Variants in GPC6 observed in about 807,000 individuals in gnomAD.
The protein encoded by GPC6 is glypican-6.
Under a neutral mutation model 55.2 loss-of-function variants are expected in GPC6, and 14 were observed. The observed-to-expected ratio is 0.25, with a 90% CI of 0.17 to 0.40. The LOEUF is 0.40. Ranked by LOEUF, GPC6 falls within the 10% of genes least tolerant of loss-of-function variation. The pLI, the probability that GPC6 is intolerant of heterozygous loss-of-function variation, is 1.00. For missense variants in GPC6, 641 were observed against 708.5 expected (o/e 0.90, Z 1.08); for synonymous variants, 278 against 259.6 (o/e 1.07, Z -0.68).
At chr13:93,656,584 A>C (rs940115017) in intron 2 of GPC6, among the ~76,000 whole-genome samples, 2 of 152,050 alleles carry the variant, frequency 1.3e-5, no homozygotes, top group Non-Finnish European at 2.9e-5. Flanking sequence ...TCCAGTTTTC[A>C]CTCATTTCTG....
At chr13:93,313,122 C>A (rs1879129461) in intron 1 of GPC6, among the ~76,000 whole-genome samples, 1 of 152,068 alleles carries the variant, frequency 6.6e-6, no homozygotes, top group Non-Finnish European at 1.5e-5. Context: ...TTCAAAATGC[C>A]CCTATACTTG....
chr13:93,322,293 T>TC (rs1879472864), intron 1 of GPC6, among the ~76,000 whole-genome samples: 1 of 152,148 alleles, frequency 6.6e-6, no homozygotes, highest in South Asian at 2.1e-4. Flanking sequence ...ATCCTCTCTC[T>TC]CTTTGTTCAC....
intron 2 of GPC6, among the ~76,000 whole-genome samples, chr13:93,815,937 A>G (rs1286507467): frequency 6.6e-6 from 1 of 152,146 alleles, no homozygotes; most frequent in Non-Finnish European, 1.5e-5. Flanking sequence ...AATAAGAACC[A>G]AGTGTATGGT....
In GPC6 at chr13:93,232,587, A is replaced by T. The variant is rs140643591; in HGVS notation, c.160+4971A>T. ...ACTTTTTTACATAAAATATCTCTCA[A>T]CTGCATTGTATCTTAATAATAGCTT... On this transcript the variant is annotated intron_variant, in intron 1 of 8. Coordinates refer to ENST00000377047, the MANE Select transcript of GPC6 (RefSeq NM_005708.5). 7.4e-3 allele frequency among the ~76,000 whole-genome samples: 1,134 copies of T among 152,270 alleles called. 11 individuals are homozygous for T. Among genetic ancestry groups the T allele is most frequent in the African/African-American group, 0.024 (1,006 of 41,564 alleles).
At chr13:93,811,816 T>G (rs532845034) in intron 2 of GPC6, among the ~76,000 whole-genome samples, 1 of 152,254 alleles carries the variant, frequency 6.6e-6, no homozygotes, top group African/African-American at 2.4e-5. Flanking sequence ...AAAAGAAACT[T>G]ATTAAATCCC....
At position 93,622,213 on chromosome 13, in the gene GPC6, A is replaced by G. The variant is rs574825070; in HGVS notation, c.319+76792A>G. ...CATGCTCAAAAATATGTAAAATGATATAAGTTGCTAATGCTCATTGAGAAC... is the reference window on the plus strand; with the variant it reads ...CATGCTCAAAAATATGTAAAATGATGTAAGTTGCTAATGCTCATTGAGAAC... On this transcript the variant is annotated intron_variant, in intron 2 of 8. Coordinates refer to ENST00000377047, the MANE Select transcript of GPC6 (RefSeq NM_005708.5). Among the ~76,000 whole-genome samples the G allele has an allele frequency of 1.8e-4, 28 of 152,344 alleles. No homozygotes were observed. The South Asian group carries it at 5.2e-3, about 28-fold the overall frequency.
rs1874624628 is a variant in GPC6 at position 93,371,131 on chromosome 13, A to G, written c.160+143515A>G. Among the ~76,000 whole-genome samples, 4 of 152,258 alleles carry G rather than the reference A, an allele frequency of 2.6e-5. No homozygotes were observed. The South Asian group carries it at 8.3e-4, about 32-fold the overall frequency. ...ATTTTGAAAACTAGGTTGAAATGTA[A>G]CATAGTTCTTGACATATGCATTTTT... On this transcript the variant is annotated intron_variant, in intron 1 of 8. Transcript: ENST00000377047.
intron 1 of GPC6, among the ~76,000 whole-genome samples, chr13:93,302,731 T>TGA (rs1425846174): frequency 6.6e-6 from 1 of 152,194 alleles, no homozygotes; most frequent in Admixed American, 6.5e-5. Context: ...TGTATTTGTG[T>TGA]GAGACTCAAT....
chr13:94,205,472 G>T (rs1889873569), intron 4 of GPC6, among the ~76,000 whole-genome samples: 1 of 152,192 alleles, frequency 6.6e-6, no homozygotes, highest in Non-Finnish European at 1.5e-5. Context: ...AGGCCTATTT[G>T]TTAGGGAAGC....
At chr13:93,466,267 G>A (rs1800509530) in intron 1 of GPC6, among the ~76,000 whole-genome samples, 1 of 152,020 alleles carries the variant, frequency 6.6e-6, no homozygotes, top group Admixed American at 6.6e-5. Context: ...ATAAAATGAA[G>A]CATGCCTGTA....
chr13:93,315,424 A>G (rs1283254324), intron 1 of GPC6, among the ~76,000 whole-genome samples: 1 of 151,938 alleles, frequency 6.6e-6, no homozygotes, highest in Admixed American at 6.6e-5. Context: ...TCCCAGTGCA[A>G]TTATATTCAT....
intron 4 of GPC6, among the ~76,000 whole-genome samples, chr13:94,040,160 A>G (rs970887513): frequency 2.6e-5 from 4 of 151,706 alleles, no homozygotes; most frequent in Non-Finnish European, 5.9e-5. Flanking sequence ...GGCCATTACC[A>G]AGTTCTAGAT....
intron 1 of GPC6, among the ~76,000 whole-genome samples, chr13:93,466,323 G>T (rs368823122): frequency 6.6e-6 from 1 of 152,004 alleles, no homozygotes; most frequent in African/African-American, 2.4e-5. Context: ...ATTTGTTTTC[G>T]TCACGTATAT....
intron 1 of GPC6, among the ~76,000 whole-genome samples, chr13:93,286,222 T>A (rs966122226): frequency 1.3e-5 from 2 of 152,110 alleles, no homozygotes; most frequent in Admixed American, 6.6e-5. Flanking sequence ...GGAAGCCTCT[T>A]ATAAAACCAT....
intron 4 of GPC6, among the ~76,000 whole-genome samples, chr13:94,285,906 C>T (rs1460426074): frequency 1.3e-5 from 2 of 152,192 alleles, no homozygotes; most frequent in Non-Finnish European, 2.9e-5. Context: ...AGAAATGCTT[C>T]ACACAGGTAG....
chr13:94,353,294 G>A, intron 6 of GPC6, among the ~76,000 whole-genome samples: 1 of 151,996 alleles, frequency 6.6e-6, no homozygotes, highest in Non-Finnish European at 1.5e-5. Flanking sequence ...TTACTGCCTG[G>A]AAACCCATTT....
At chr13:93,721,520 TAA>T (rs1883454515) in intron 2 of GPC6, among the ~76,000 whole-genome samples, 1 of 151,656 alleles carries the variant, frequency 6.6e-6, no homozygotes, top group Admixed American at 6.6e-5. Context: ...ATTGATGAAA[TAA>T]AGAGTCTCCA....
intron 2 of GPC6, among the ~76,000 whole-genome samples, chr13:93,783,576 G>GTCTA (rs60855226): frequency 0.043 from 6,482 of 151,112 alleles, 150 homozygotes; most frequent in South Asian, 0.078. Context: ...CTATCTATCT[G>GTCTA]TCTATCTATC....
intron 6 of GPC6, among the ~76,000 whole-genome samples, chr13:94,326,456 A>C (rs1341380065): frequency 6.6e-6 from 1 of 152,112 alleles, no homozygotes; most frequent in Non-Finnish European, 1.5e-5. Context: ...TATAATCACA[A>C]AGAAAAAAAG....
Sources: allele counts gnomAD v4.1 joint callset (sites outside exome capture counted in the v4.1 genomes callset), GRCh38; gene constraint gnomAD v4.1.1; transcripts MANE v1.5; gene names NCBI Gene and HGNC (gene_info 2026-07-23, HGNC 2026-07-21).